Variants in SUPT3H observed in about 807,000 individuals in gnomAD.
SUPT3H encodes SPT3 homolog, SAGA and STAGA complex component, also known as transcription initiation protein SPT3 homolog.
In SUPT3H, 44 loss-of-function variants were observed where a neutral mutation model predicts 44.3. The observed-to-expected ratio is 0.99, with a 90% CI of 0.78 to 1.28. The LOEUF is 1.28. Ranked by LOEUF, SUPT3H falls within the 50% of genes most tolerant of loss-of-function variation. SUPT3H has a pLI of 0.00. For missense variants in SUPT3H, 380 were observed against 387.1 expected, an observed-to-expected ratio of 0.98 and a Z score of 0.15; for synonymous variants, 124 against 125.6, an observed-to-expected ratio of 0.99 and a Z score of 0.09.
At chr6:44,949,062 T>TA in intron 9 of SUPT3H, among the ~76,000 whole-genome samples, 1 of 152,132 alleles carries the variant, frequency 6.6e-6, no homozygotes, top group South Asian at 2.1e-4. Context: ...TATGCAGCCA[T>TA]AAAAAAGGAT....
intron 2 of SUPT3H, among the ~76,000 whole-genome samples, chr6:45,132,873 C>T (rs530557913): frequency 6.6e-6 from 1 of 152,164 alleles, no homozygotes; most frequent in East Asian, 1.9e-4. Flanking sequence ...TATTATCACC[C>T]CCTTTACAAA....
chr6:45,214,494 T>C (rs754962570), intron 2 of SUPT3H, among the ~76,000 whole-genome samples: 4 of 152,124 alleles, frequency 2.6e-5, no homozygotes, highest in East Asian at 1.9e-4. Flanking sequence ...AAACTCTTCA[T>C]GTAAAACACT....
chr6:45,091,447 G>C (rs1245605478), intron 3 of SUPT3H, among the ~76,000 whole-genome samples: 1 of 151,920 alleles, frequency 6.6e-6, no homozygotes, highest in East Asian at 1.9e-4. Flanking sequence ...CAGACATATA[G>C]TAAATTCAGT....
chr6:45,330,729 T>C (rs1420959269), intron 2 of SUPT3H, among the ~76,000 whole-genome samples: 3 of 151,774 alleles, frequency 2.0e-5, no homozygotes, highest in Non-Finnish European at 2.9e-5. Flanking sequence ...CTTTTTTTTT[T>C]CCAACATTAC....
At chr6:45,226,761 C>T (rs1357051882) in intron 2 of SUPT3H, among the ~76,000 whole-genome samples, 1 of 152,054 alleles carries the variant, frequency 6.6e-6, no homozygotes, top group Non-Finnish European at 1.5e-5. Context: ...GAACTCCTGA[C>T]CTCATGATCC....
chr6:45,221,969 A>G (rs1013365940), intron 2 of SUPT3H, among the ~76,000 whole-genome samples: 1 of 152,162 alleles, frequency 6.6e-6, no homozygotes, highest in African/African-American at 2.4e-5. Context: ...GCAGAAATGG[A>G]CCAAGCAAAT....
intron 3 of SUPT3H, among the ~76,000 whole-genome samples, chr6:45,070,708 C>G (rs1377885216): frequency 8.7e-6 from 1 of 115,026 alleles, no homozygotes; most frequent in African/African-American, 3.4e-5. Flanking sequence ...GCACTCCAGC[C>G]TGGGTAATAA....
chr6:44,995,102 G>C (rs1781101973), intron 6 of SUPT3H, among the ~76,000 whole-genome samples: 1 of 151,706 alleles, frequency 6.6e-6, no homozygotes, highest in African/African-American at 2.4e-5. Flanking sequence ...CTTCAAATTG[G>C]AACAGCAGCT....
chr6:44,923,354 C>A (rs1251987047), intron 10 of SUPT3H, among the ~76,000 whole-genome samples: 1 of 152,024 alleles, frequency 6.6e-6, no homozygotes, highest in Non-Finnish European at 1.5e-5. Flanking sequence ...ATTCTAGGGT[C>A]TCCATAGATG....
At chr6:45,313,950 A>G (rs545039491) in intron 2 of SUPT3H, among the ~76,000 whole-genome samples, 2 of 152,380 alleles carry the variant, frequency 1.3e-5, no homozygotes, top group Admixed American at 6.5e-5. Flanking sequence ...CACCATGATC[A>G]AGTGGGTTTC....
rs114046523 is a variant in SUPT3H at position 45,371,687 on chromosome 6, A to T, written c.-1+6081T>A. ...TAGCAGTCAGGGGACTTACATGGTC[A>T]TTAAGTTATCTTGGAGACTGATGAC... On this transcript the variant is annotated intron_variant, in intron 1 of 10. Transcript: ENST00000371459. Among the ~76,000 whole-genome samples the T allele has an allele frequency of 2.5e-3, 388 of 152,338 alleles. 2 individuals are homozygous for T. The highest frequency in any genetic ancestry group is 8.5e-3 in the African/African-American group (354 of 41,574).
At chr6:44,890,044 C>G (rs1359732977) in intron 10 of SUPT3H, among the ~76,000 whole-genome samples, 5 of 151,600 alleles carry the variant, frequency 3.3e-5, no homozygotes, top group African/African-American at 1.2e-4. Flanking sequence ...AAATGCAAAT[C>G]AAAACCACAA....
intron 2 of SUPT3H, among the ~76,000 whole-genome samples, chr6:45,293,944 T>G (rs987836410): frequency 1.3e-5 from 2 of 151,888 alleles, no homozygotes; most frequent in African/African-American, 4.8e-5. Context: ...GACACTATTC[T>G]ACAAGATAGA....
intron 6 of SUPT3H, among the ~76,000 whole-genome samples, chr6:44,989,600 T>C (rs1321962091): frequency 6.6e-6 from 1 of 152,158 alleles, no homozygotes; most frequent in Non-Finnish European, 1.5e-5. Context: ...GTAATGACTG[T>C]ACCAAACTTC....
chr6:45,310,778 A>G (rs1300162980), intron 2 of SUPT3H, among the ~76,000 whole-genome samples: 2 of 152,160 alleles, frequency 1.3e-5, no homozygotes, highest in East Asian at 1.9e-4. Flanking sequence ...AATCTGAACA[A>G]CAGCCTTCAA....
rs370812258 is a variant in SUPT3H, at chr6:45,245,310, A to G, written c.101+119891T>C. On this transcript the variant is annotated intron_variant, in intron 2 of 10. Coordinates refer to ENST00000371459, the MANE Select transcript of SUPT3H (RefSeq NM_003599.4). The stretch of plus-strand genomic sequence containing the variant: ...AAATATTCATAACATAAAATTTACT[A>G]TTGTAACCATTCTTAAGGTTAAAAT... 7.9e-5 allele frequency among the ~76,000 whole-genome samples: 12 copies of G among 152,266 alleles called. No individual in the cohort carries two copies. In the East Asian group the frequency reaches 1.7e-3, roughly 22 times the overall value.
At chr6:45,308,092 A>G (rs1783359587) in intron 2 of SUPT3H, among the ~76,000 whole-genome samples, 1 of 152,226 alleles carries the variant, frequency 6.6e-6, no homozygotes, top group East Asian at 1.9e-4. Context: ...CAAAGCCTCC[A>G]AGAAATATGG....
Position 44,932,691 on chromosome 6 carries a change from G to A in SUPT3H, c.874C>T (p.Arg292Cys), listed in dbSNP as rs762070625. ...AGTGGGCCAATCCTGTGGCTGTAGC[G>A]TCGAATGGCCTCTCTGATGTGGCAG... ...QPCHIREAIR[R>C]YSHRIGPLSP... is the part of the protein sequence containing the mutation. Residue 292 changes from arginine to cysteine, a missense_variant, in exon 10 of 11, where the codon CGC becomes TGC. By Grantham distance (180) the Arg-to-Cys change is radical. Transcript: ENST00000371459. The A allele has an allele frequency of 1.4e-5, 23 of 1,611,524 alleles. 1 individual carries two copies. Among genetic ancestry groups the A allele is most frequent in the East Asian group, 6.7e-5 (3 of 44,624 alleles).
intron 2 of SUPT3H, among the ~76,000 whole-genome samples, chr6:45,126,582 T>C (rs1272301416): frequency 1.3e-5 from 2 of 152,186 alleles, no homozygotes; most frequent in Non-Finnish European, 2.9e-5. Context: ...AATTTCCTAA[T>C]GAAGATTTAC....
Sources: allele counts gnomAD v4.1 joint callset (sites outside exome capture counted in the v4.1 genomes callset), GRCh38; gene constraint gnomAD v4.1.1; transcripts MANE v1.5; gene names NCBI Gene and HGNC (gene_info 2026-07-23, HGNC 2026-07-21).